RRBP1: variants seen among roughly 807,000 people sequenced by gnomAD.
RRBP1 encodes ribosome binding protein 1.
Under a neutral mutation model 165.2 loss-of-function variants are expected in RRBP1, and 94 were observed. The observed-to-expected ratio is 0.57, with a 90% CI of 0.48 to 0.68. The LOEUF is 0.68. Among genes scored for constraint, RRBP1 ranks in the 30% least tolerant of loss-of-function variants. RRBP1 has a pLI of 0.00. For synonymous variants in RRBP1, 680 were observed against 714.5 expected (o/e 0.95, Z 0.77); for missense variants, 1,676 against 1,763.0 (o/e 0.95, Z 0.88).
rs1600752984 is a variant in RRBP1 at position 17,643,266 on chromosome 20, T to C, written c.1913-139A>G. Reference sequence around the variant, plus strand: ...CTGCTTGGGGTCAGCAGGCTGAGCATGGCGAGTCTGCTCCAGTGTCTCCTG... The same window carrying C: ...CTGCTTGGGGTCAGCAGGCTGAGCACGGCGAGTCTGCTCCAGTGTCTCCTG... On this transcript the variant is annotated intron_variant, in intron 3 of 24. Transcript: ENST00000377813. The surrounding 1 kb of genome is among the most constrained non-coding windows in gnomAD (Gnocchi z 4.3). 3 of 812,498 alleles carry C rather than the reference T, an allele frequency of 3.7e-6. No homozygotes were observed. The highest frequency in any genetic ancestry group is 1.7e-5 in the South Asian group (1 of 57,736). 50.3% of individuals were successfully genotyped at this position (812,498 alleles called of 1,614,324 possible).
intron 1 of RRBP1, among the ~76,000 whole-genome samples, chr20:17,681,163 C>G (rs2037175579): frequency 6.6e-6 from 1 of 150,488 alleles, no homozygotes; most frequent in Non-Finnish European, 1.5e-5. Context: ...CGCTTCCGCC[C>G]GGGGCTGGCA....
intron 8 of RRBP1, among the ~76,000 whole-genome samples, chr20:17,631,114 C>G (rs2036142522): frequency 6.6e-6 from 1 of 152,220 alleles, no homozygotes; most frequent in Non-Finnish European, 1.5e-5. Flanking sequence ...TACTCAGTTC[C>G]AACTCCTAGG....
chr20:17,633,376 G>A, intron 8 of RRBP1, 84 bp downstream of exon 8: 13 of 1,457,048 alleles, frequency 8.9e-6, no homozygotes, highest in South Asian at 2.6e-5. Context: ...AGTGTGGCAC[G>A]GCCAGCCTGG....
chr20:17,638,608 G>C (rs2036290060), intron 5 of RRBP1, among the ~76,000 whole-genome samples: 1 of 152,130 alleles, frequency 6.6e-6, no homozygotes, highest in African/African-American at 2.4e-5. Context: ...GCTCTCTATG[G>C]TTTCTTTTTC....
At position 17,621,691 on chromosome 20, in the gene RRBP1, G is replaced by A. The variant is rs781103816; in HGVS notation, c.3323C>T (p.Ser1108Leu). Residue 1108 changes from serine (S) to leucine (L), a missense_variant and splice_region_variant, in exon 15 of 25, where the codon TCG becomes TTG. By Grantham distance (145) the Ser-to-Leu change is moderately radical. Around this residue, in one of 5 missense-constraint regions of RRBP1, gnomAD observed 1,184 missense variants for 1,167.1 expected, o/e 1.01. Coordinates refer to ENST00000377813, the MANE Select transcript of RRBP1 (RefSeq NM_001365613.2). ...KHPPAPAEPS[S>L]DLASKLREAE... ...GCCTTGCCAGGCAGCCACACTTACC[G>A]AGGAGGGCTCCGCGGGAGCTGGCGG... 37 of 1,610,038 alleles carry A rather than the reference G, an allele frequency of 2.3e-5. No homozygotes were observed. The highest frequency in any genetic ancestry group is 4.2e-5 in the African/African-American group (3 of 71,902).
chr20:17,667,503 CT>C (rs1044381411), intron 2 of RRBP1, among the ~76,000 whole-genome samples: 3 of 152,182 alleles, frequency 2.0e-5, no homozygotes, highest in African/African-American at 7.2e-5. Flanking sequence ...AAATTTCCCC[CT>C]AAGTACTGCT....
Position 17,647,759 on chromosome 20 carries a change from A to G in RRBP1, c.1913-4632T>C, listed in dbSNP as rs111807260. Among the ~76,000 whole-genome samples, 608 of 152,252 alleles carry G rather than the reference A, an allele frequency of 4.0e-3. 9 individuals are homozygous for G. The highest frequency in any genetic ancestry group is 0.014 in the African/African-American group (570 of 41,536). ...GGCAAAAACTCTCATTTCCTAAGAG[A>G]TTGTCCAGATCAGTTCTGAGGGTGC... is the stretch of plus-strand genomic sequence containing the variant. On this transcript the variant is annotated intron_variant, in intron 3 of 24. Coordinates refer to ENST00000377813, the MANE Select transcript of RRBP1 (RefSeq NM_001365613.2).
chr20:17,642,961 G>A lies in RRBP1; in HGVS notation c.2061+18C>T. The A allele has an allele frequency of 6.2e-7, 1 of 1,611,572 alleles. No individual in the cohort carries two copies. The highest frequency in any genetic ancestry group is 8.5e-7 in the Non-Finnish European group (1 of 1,178,228). On this transcript the variant is annotated intron_variant, in intron 4 of 24. Coordinates refer to ENST00000377813, the MANE Select transcript of RRBP1 (RefSeq NM_001365613.2). ...CTGCAGTGGCCTCTGAGCATGGCCA[G>A]CAGGAGGGTGGGCCCACCTTGTGCC...
chr20:17,621,840 AC>A lies in RRBP1; in HGVS notation c.3240+14del, dbSNP rs1389092769. ...GAGAACTGTGAGGTCCCCGGGAACC[AC>A]CCTCCCCTCCTACCTGTTGTGCCAA... is the stretch of plus-strand genomic sequence containing the variant. On this transcript the variant is annotated intron_variant, in intron 14 of 24. Transcript: ENST00000377813. The A allele has an allele frequency of 8.7e-6, 14 of 1,611,682 alleles. No individual in the cohort carries two copies. The African/African-American group carries it at 1.9e-4, about 22-fold the overall frequency.
At chr20:17,653,869 C>T (rs962092400) in intron 3 of RRBP1, among the ~76,000 whole-genome samples, 1 of 151,660 alleles carries the variant, frequency 6.6e-6, no homozygotes, top group African/African-American at 2.4e-5. Context: ...CTCCTGGTCC[C>T]AAGGTGGACA....
At chr20:17,661,323 T>C (rs2036762362) in intron 2 of RRBP1, among the ~76,000 whole-genome samples, 1 of 152,194 alleles carries the variant, frequency 6.6e-6, no homozygotes, top group South Asian at 2.1e-4. Context: ...AGCCTGCAAT[T>C]TGCATGTTGG....
intron 11 of RRBP1, 117 bp downstream of exon 11, chr20:17,627,231 G>T: frequency 1.0e-6 from 1 of 1,002,954 alleles, no homozygotes; most frequent in Non-Finnish European, 1.5e-6. Context: ...GGGAGCCTCT[G>T]AAAGGGGCTC....
At chr20:17,639,151 G>C (rs1469284170) in intron 5 of RRBP1, among the ~76,000 whole-genome samples, 2 of 152,312 alleles carry the variant, frequency 1.3e-5, no homozygotes, top group East Asian at 3.9e-4. Flanking sequence ...TGCCTTCTTG[G>C]TTACATCACT....
Position 17,681,233 on chromosome 20 carries a change from C to A in RRBP1, c.-99+795G>T, listed in dbSNP as rs1417855517. Among the ~76,000 whole-genome samples, 3 of 148,490 alleles carry A rather than the reference C, an allele frequency of 2.0e-5. No homozygotes were observed. In the East Asian group the frequency reaches 5.9e-4, roughly 29 times the overall value. On this transcript the variant is annotated intron_variant, in intron 1 of 24. Coordinates refer to ENST00000377813, the MANE Select transcript of RRBP1 (RefSeq NM_001365613.2). Reference sequence around the variant, plus strand: ...GGGCCGGGCCCCGGGCGCCCTCGTCCCCCCGCCGGGAGCCCTCGAGCCAGG... The same window carrying A: ...GGGCCGGGCCCCGGGCGCCCTCGTCACCCCGCCGGGAGCCCTCGAGCCAGG...
At chr20:17,624,539 T>G (rs1287550943) in intron 13 of RRBP1, 37 bp downstream of exon 13, 3 of 1,426,520 alleles carry the variant, frequency 2.1e-6, no homozygotes, top group Non-Finnish European at 2.9e-6. Context: ...CTAGTGCACT[T>G]TCCATGGTGG....
intron 2 of RRBP1, 45 bp from the exon 3 acceptor site, chr20:17,660,573 T>G: frequency 8.6e-7 from 1 of 1,158,016 alleles, no homozygotes; most frequent in Non-Finnish European, 1.2e-6. Flanking sequence ...AATCAAGGCC[T>G]TCAACAGTTT....
intron 17 of RRBP1, 61 bp from the exon 18 acceptor site, chr20:17,620,431 C>A: frequency 6.8e-7 from 1 of 1,466,444 alleles, no homozygotes; most frequent in Non-Finnish European, 9.5e-7. Flanking sequence ...CCTTCCGAGG[C>A]CATGCTAGGA....
In RRBP1 at chr20:17,627,543, C is replaced by A; in HGVS notation, c.2889G>T (p.Leu963=). ...LTERIRSIEA[L]LEAGQARDAQ... ...CATCCCGCGCCTGGCCCGCCTCCAG[C>A]AGGGCCTCAATGGAACGGATTCTCT... Residue 963 remains leucine (L), a synonymous_variant, in exon 10 of 25, where the codon CTG becomes CTT. Transcript: ENST00000377813. 1 of 1,613,026 alleles carries A rather than the reference C, an allele frequency of 6.2e-7. No homozygotes were observed. The highest frequency in any genetic ancestry group is 1.1e-5 in the South Asian group (1 of 90,990).
chr20:17,630,638 T>C (rs2036130478), intron 8 of RRBP1, among the ~76,000 whole-genome samples: 1 of 152,192 alleles, frequency 6.6e-6, no homozygotes, highest in African/African-American at 2.4e-5. Flanking sequence ...TCCCAGTCGG[T>C]GCTCCACAGG....
Sources: allele counts gnomAD v4.1 joint callset (sites outside exome capture counted in the v4.1 genomes callset), GRCh38; gene constraint gnomAD v4.1.1; regional missense constraint gnomAD v4.1.1; non-coding constraint Gnocchi (gnomAD v3.1); transcripts MANE v1.5; gene names NCBI Gene and HGNC (gene_info 2026-07-23, HGNC 2026-07-21).